SLC36A1: variants seen among roughly 807,000 people sequenced by gnomAD.
SLC36A1 encodes solute carrier family 36 member 1.
SLC36A1 carries 30 observed loss-of-function variants against 47.5 expected under a neutral mutation model. The ratio of observed to expected loss-of-function variants is 0.63; its 90% CI spans 0.47 to 0.86. SLC36A1 has a LOEUF of 0.86. Ranked by LOEUF, SLC36A1 falls within the 40% of genes least tolerant of loss-of-function variation. The pLI is 0.00. For synonymous variants in SLC36A1, 255 were observed against 249.7 expected, an observed-to-expected ratio of 1.02 and a Z score of -0.20; for missense variants, 517 against 606.0, an observed-to-expected ratio of 0.85 and a Z score of 1.54.
chr5:151,500,209 G>A, the SLC36A1 span, among the ~76,000 whole-genome samples: 1 of 152,146 alleles, frequency 6.6e-6, no homozygotes, highest in African/African-American at 2.4e-5. Context: ...CACCTCCCGA[G>A]TCAGGCCGAC....
chr5:151,533,772 C>T, the SLC36A1 span, among the ~76,000 whole-genome samples: 13 of 151,412 alleles, frequency 8.6e-5, no homozygotes, highest in Non-Finnish European at 1.5e-4. Flanking sequence ...ATATATATCA[C>T]ATTAATGAGT....
At chr5:151,445,008 G>A (rs1752838809), upstream of SLC36A1, among the ~76,000 whole-genome samples, 1 of 152,090 alleles carries the variant, frequency 6.6e-6, no homozygotes, top group Middle Eastern at 3.4e-3. Flanking sequence ...GTGAGGGTGG[G>A]TATCCTTGAC....
At chr5:151,475,071 G>A (rs1345052900) in intron 8 of SLC36A1, among the ~76,000 whole-genome samples, 1 of 152,192 alleles carries the variant, frequency 6.6e-6, no homozygotes, top group Non-Finnish European at 1.5e-5. Context: ...CTTGCCCTGT[G>A]CTCTATCTTA....
chr5:151,375,625 T>G, the SLC36A1 span, among the ~76,000 whole-genome samples: 1 of 152,166 alleles, frequency 6.6e-6, no homozygotes, highest in East Asian at 1.9e-4. Context: ...TTAATAGGGA[T>G]TGCATTGAAT....
chr5:151,502,689 A>G, the SLC36A1 span, among the ~76,000 whole-genome samples: 3 of 148,406 alleles, frequency 2.0e-5, 1 homozygote, highest in African/African-American at 7.9e-5. Flanking sequence ...AGGAGTTCTC[A>G]TTCACTGCTG....
the SLC36A1 span, among the ~76,000 whole-genome samples, chr5:151,537,613 T>C: frequency 6.6e-6 from 1 of 152,216 alleles, no homozygotes; most frequent in Non-Finnish European, 1.5e-5. Flanking sequence ...AAGGCCCAAA[T>C]CTTGTCTTAT....
At chr5:151,531,555 A>G in the SLC36A1 span, 3 of 1,610,434 alleles carry the variant, frequency 1.9e-6, no homozygotes, top group African/African-American at 2.7e-5. This position sits in a 1 kb window ranked among gnomAD's most constrained non-coding sequence, Gnocchi z 5.7. Context: ...CCTGTACGCG[A>G]TGCTTTGGGG....
chr5:151,448,209 C>T lies in SLC36A1; in HGVS notation c.-6+396C>T, dbSNP rs76372226. ...TCCTAGGACAGTTGGAGAAACTGAG[C>T]CCTTACTCCGGGAAGGGGTAAGGGC... On this transcript the variant is annotated intron_variant, in intron 1 of 10. Transcript: ENST00000243389. Among the ~76,000 whole-genome samples, 242 of 152,262 alleles carry T rather than the reference C, an allele frequency of 1.6e-3. 1 individual carries two copies. The highest frequency in any genetic ancestry group is 6.8e-3 in the Middle Eastern group (2 of 292).
chr5:151,421,481 A>G, the SLC36A1 span, among the ~76,000 whole-genome samples: 3 of 150,266 alleles, frequency 2.0e-5, no homozygotes, highest in Non-Finnish European at 3.0e-5. Flanking sequence ...TGCTCAAGTG[A>G]TCCACCCACC....
upstream of SLC36A1, among the ~76,000 whole-genome samples, chr5:151,446,761 T>TCCCC (rs1752948230): frequency 6.6e-6 from 1 of 152,228 alleles, no homozygotes; most frequent in Admixed American, 6.5e-5. Flanking sequence ...GAATGGAAAG[T>TCCCC]TCTGTATATA....
chr5:151,507,183 A>G, the SLC36A1 span: 1 of 1,600,794 alleles, frequency 6.2e-7, no homozygotes, highest in Non-Finnish European at 8.5e-7. Context: ...GGTTCTCTTA[A>G]TGACAGGCTC....
intron 7 of SLC36A1, among the ~76,000 whole-genome samples, chr5:151,468,750 G>A (rs979944811): frequency 2.0e-5 from 3 of 151,974 alleles, no homozygotes; most frequent in Non-Finnish European, 2.9e-5. Context: ...CAATTAGATG[G>A]TTAATTCATG....
chr5:151,513,607 G>A, the SLC36A1 span, among the ~76,000 whole-genome samples: 3,898 of 81,844 alleles, frequency 0.048, 189 homozygotes, highest in African/African-American at 0.15. Context: ...GCAGAGGGTG[G>A]GAGAAGGTTA....
chr5:151,439,738 C>G (rs1448830863), intron 1 of SLC36A1, among the ~76,000 whole-genome samples: 2 of 151,346 alleles, frequency 1.3e-5, no homozygotes, highest in African/African-American at 4.9e-5. Context: ...TTGTATTGAT[C>G]TGGCCCCAGC....
the SLC36A1 span, among the ~76,000 whole-genome samples, chr5:151,536,278 G>A: frequency 6.6e-6 from 1 of 152,104 alleles, no homozygotes; most frequent in Non-Finnish European, 1.5e-5. Context: ...TGAACAAAGA[G>A]CAGCAGAGAG....
At chr5:151,370,866 G>A in the SLC36A1 span, among the ~76,000 whole-genome samples, 17 of 152,094 alleles carry the variant, frequency 1.1e-4, no homozygotes, top group African/African-American at 2.7e-4. Flanking sequence ...GATGGCAGGC[G>A]CCTGTAATCC....
At chr5:151,540,231 G>A in the SLC36A1 span, among the ~76,000 whole-genome samples, 2 of 152,324 alleles carry the variant, frequency 1.3e-5, no homozygotes, top group African/African-American at 4.8e-5. Context: ...TGGGGGCCAA[G>A]GAATTACCTA....
At chr5:151,513,341 C>T in the SLC36A1 span, among the ~76,000 whole-genome samples, 2 of 152,068 alleles carry the variant, frequency 1.3e-5, no homozygotes, top group East Asian at 3.8e-4. Flanking sequence ...ATGGAATCAA[C>T]CTAGATGCTC....
the SLC36A1 span, among the ~76,000 whole-genome samples, chr5:151,366,122 CTGAGGTGGG>C: frequency 6.6e-6 from 1 of 152,164 alleles, no homozygotes; most frequent in South Asian, 2.1e-4. Context: ...TGACAACATT[CTGAGGTGGG>C]TGAGGCTGAA....
Sources: gnomAD v4.1 joint callset for allele counts (sites outside exome capture counted in the v4.1 genomes callset) on GRCh38, gnomAD v4.1.1 for gene constraint, Gnocchi (gnomAD v3.1) non-coding constraint, MANE v1.5 for transcripts, NCBI Gene and HGNC (gene_info 2026-07-23, HGNC 2026-07-21) for gene names.